The following PATJ variants were observed in gnomAD, a reference collection of about 807,000 sequenced individuals.
PATJ encodes the protein inaD-like protein.
Under a neutral mutation model 224.9 loss-of-function variants are expected in PATJ, and 190 were observed. The ratio of observed to expected loss-of-function variants is 0.84; its 90% CI spans 0.75 to 0.95. PATJ has a LOEUF of 0.95. Ranked by LOEUF, PATJ falls within the 40% of genes least tolerant of loss-of-function variation. The pLI is 0.00. For missense variants in PATJ, 2,121 were observed against 2,270.3 expected (o/e 0.93, Z 1.34); for synonymous variants, 769 against 820.3 (o/e 0.94, Z 1.07).
chr1:61,815,881 C>G (rs1247607753), intron 14 of PATJ, among the ~76,000 whole-genome samples: 1 of 152,136 alleles, frequency 6.6e-6, no homozygotes, highest in Non-Finnish European at 1.5e-5. Context: ...GGGAGACTTG[C>G]ACTTTTAGGG....
intron 11 of PATJ, among the ~76,000 whole-genome samples, chr1:61,798,206 AT>A (rs953066555): frequency 2.0e-5 from 3 of 149,946 alleles, no homozygotes; most frequent in Non-Finnish European, 4.5e-5. Flanking sequence ...TTTGTATTTT[AT>A]TTTTTTTAGA....
At position 61,762,897 on chromosome 1, in the gene PATJ, C is replaced by T. The variant is rs777303959; in HGVS notation, c.5C>T (p.Pro2Leu). MPENPATDKLQV... is the reference protein window; with the variant it reads MLENPATDKLQV... ...GATTGAAGAGAATAATTCAAAATGC[C>T]TGAAAATCCTGCTACAGGTATACTG... is the stretch of plus-strand genomic sequence containing the variant. The change falls in exon 2 of 44, where the codon CCT (proline) becomes CTT (leucine). Residue 2 changes from proline (P) to leucine (L), a missense_variant. Transcript: ENST00000642238. 7 of 1,541,486 alleles carry T rather than the reference C, an allele frequency of 4.5e-6. No homozygotes were observed. In the South Asian group the frequency reaches 6.0e-5, roughly 13 times the overall value.
At chr1:61,909,024 G>A (rs1283851385) in intron 25 of PATJ, among the ~76,000 whole-genome samples, 1 of 152,130 alleles carries the variant, frequency 6.6e-6, no homozygotes, top group African/African-American at 2.4e-5. Flanking sequence ...CTGTTGCCCA[G>A]TCTGGAGTGC....
intron 29 of PATJ, among the ~76,000 whole-genome samples, chr1:62,032,140 GGCTGA>G (rs1371705555): frequency 2.0e-5 from 3 of 152,114 alleles, no homozygotes; most frequent in African/African-American, 7.2e-5. Flanking sequence ...GCGTTGGTCA[GGCTGA>G]GGTCTTGTCT....
At chr1:61,926,969 T>C (rs1675300145) in intron 26 of PATJ, among the ~76,000 whole-genome samples, 1 of 152,224 alleles carries the variant, frequency 6.6e-6, no homozygotes, top group South Asian at 2.1e-4. Flanking sequence ...CCTATTCTTT[T>C]TAGCAGCTTG....
intron 28 of PATJ, among the ~76,000 whole-genome samples, chr1:61,996,047 A>G (rs541256847): frequency 2.0e-5 from 3 of 152,324 alleles, no homozygotes; most frequent in African/African-American, 7.2e-5. Flanking sequence ...GCCTTTTGAG[A>G]TAGAAGAAGT....
At chr1:62,110,154 C>A (rs1663623668) in intron 34 of PATJ, among the ~76,000 whole-genome samples, 1 of 152,190 alleles carries the variant, frequency 6.6e-6, no homozygotes, top group South Asian at 2.1e-4. Context: ...GTACAGGCTC[C>A]TCTCTTACCT....
At chr1:61,852,404 A>T (rs1438881695) in intron 17 of PATJ, 1 of 152,122 alleles carries the variant, frequency 6.6e-6, no homozygotes, top group African/African-American at 2.4e-5. Flanking sequence ...AATATTAGAG[A>T]TTTTACAATT....
chr1:62,078,594 T>G (rs956546770), intron 31 of PATJ, among the ~76,000 whole-genome samples: 14 of 151,910 alleles, frequency 9.2e-5, no homozygotes, highest in African/African-American at 3.4e-4. Context: ...CCCCTTAGTT[T>G]TTTAATATTA....
At chr1:61,966,500 A>G (rs1465265264) in intron 27 of PATJ, among the ~76,000 whole-genome samples, 1 of 152,086 alleles carries the variant, frequency 6.6e-6, no homozygotes, top group African/African-American at 2.4e-5. Context: ...AGCCTGGCCA[A>G]TGTGGTGAAA....
chr1:62,051,923 C>T (rs1027601133), intron 31 of PATJ, among the ~76,000 whole-genome samples: 2 of 152,144 alleles, frequency 1.3e-5, no homozygotes, highest in African/African-American at 2.4e-5. Context: ...TTTTCCTACA[C>T]GTGAGGAAAC....
At chr1:61,880,931 TA>T (rs1468911214) in intron 21 of PATJ, among the ~76,000 whole-genome samples, 2 of 152,066 alleles carry the variant, frequency 1.3e-5, no homozygotes, top group African/African-American at 4.8e-5. Flanking sequence ...CTGTCTCTAC[TA>T]AAAATACAAA....
chr1:61,898,430 G>T (rs1195107219), intron 22 of PATJ, among the ~76,000 whole-genome samples: 6 of 151,228 alleles, frequency 4.0e-5, no homozygotes, highest in African/African-American at 1.2e-4. Context: ...TAGAGATGGG[G>T]TCTCACCATG....
chr1:61,784,091 CCT>C (rs1647993585), intron 7 of PATJ, among the ~76,000 whole-genome samples: 2 of 152,068 alleles, frequency 1.3e-5, no homozygotes, highest in Admixed American at 6.6e-5. Flanking sequence ...TGTGTGATAC[CCT>C]GTTGCTTCAG....
chr1:62,065,978 T>C (rs1458700944), intron 31 of PATJ, among the ~76,000 whole-genome samples: 1 of 152,232 alleles, frequency 6.6e-6, no homozygotes, highest in Non-Finnish European at 1.5e-5. Context: ...TAAGAGCCTA[T>C]AATCTAAAAC....
chr1:61,939,708 G>A lies in PATJ; in HGVS notation c.3670+11879G>A, dbSNP rs1023248397. 3.7e-5 allele frequency among the ~76,000 whole-genome samples: 3 copies of A among 81,096 alleles called. No individual in the cohort carries two copies. In the South Asian group the frequency reaches 1.1e-3, roughly 31 times the overall value. 53.2% of individuals were successfully genotyped at this position (81,096 alleles called of 152,430 possible). A position where few individuals can be genotyped will look rare whatever the true frequency, so the allele number is the denominator to read the frequency against. ...TTTTTTTTTTTTTTTTTTTTGAGAC[G>A]TTGTCGCCCATGCTGGACTGCAGTG... On this transcript the variant is annotated intron_variant, in intron 27 of 43. Transcript: ENST00000642238.
rs34767684 is a variant in PATJ, at chr1:62,106,063, A to AAAATAT, written c.4378-2373_4378-2372insAATATA. On this transcript the variant is annotated intron_variant, in intron 33 of 43. Transcript: ENST00000642238. ...CTCCTCTTAAAAAAAAAAAAAAAAA[A>AAAATAT]ATATATATATATATATACACACACA... 1.4e-3 allele frequency among the ~76,000 whole-genome samples: 56 copies of AAAATAT among 39,654 alleles called. 5 individuals carry two copies. The highest frequency in any genetic ancestry group is 2.1e-3 in the Admixed American group (5 of 2,438). 26.0% of individuals were successfully genotyped at this position (39,654 alleles called of 152,430 possible). A position where few individuals can be genotyped will look rare whatever the true frequency, so the allele number is the denominator to read the frequency against.
intron 27 of PATJ, among the ~76,000 whole-genome samples, chr1:61,943,603 G>A (rs564152502): frequency 1.5e-4 from 23 of 152,262 alleles, no homozygotes; most frequent in South Asian, 4.1e-4. Context: ...GAACTGGGTG[G>A]AGCTCACCGC....
At chr1:61,769,567 C>T in intron 5 of PATJ, 145 bp downstream of exon 5, 6 of 843,030 alleles carry the variant, frequency 7.1e-6, no homozygotes, top group South Asian at 1.8e-5. Flanking sequence ...ATTTGTCAGG[C>T]CTTTTGCGAA....
Sources: gnomAD v4.1 joint callset for allele counts (sites outside exome capture counted in the v4.1 genomes callset) on GRCh38, gnomAD v4.1.1 for gene constraint, MANE v1.5 for transcripts, NCBI Gene and HGNC (gene_info 2026-07-23, HGNC 2026-07-21) for gene names.